PDCD2L: variants seen among roughly 807,000 people sequenced by gnomAD.
PDCD2L encodes programmed cell death 2 like.
A neutral mutation model predicts 40.4 loss-of-function variants in PDCD2L; 44 were observed. The observed-to-expected ratio is 1.09, with a 90% CI of 0.86 to 1.40. The LOEUF (loss-of-function observed/expected upper bound fraction) is 1.40. Ranked by LOEUF, PDCD2L falls within the 40% of genes most tolerant of loss-of-function variation. The pLI is 0.00. For missense variants in PDCD2L, 470 were observed against 453.7 expected (o/e 1.04, Z -0.33); for synonymous variants, 194 against 174.6 (o/e 1.11, Z -0.88).
At chr19:34,412,777 T>C (rs1307852607) in intron 4 of PDCD2L, among the ~76,000 whole-genome samples, 4 of 151,842 alleles carry the variant, frequency 2.6e-5, no homozygotes, top group East Asian at 1.9e-4. Context: ...AGTTTTTTTT[T>C]TTTTTTCTTT....
At chr19:34,415,267 C>G (rs766002708) in intron 5 of PDCD2L, among the ~76,000 whole-genome samples, 1 of 152,040 alleles carries the variant, frequency 6.6e-6, no homozygotes, top group African/African-American at 2.4e-5. Flanking sequence ...TACAGCGCCA[C>G]CACGCCTGAC....
intron 5 of PDCD2L, among the ~76,000 whole-genome samples, chr19:34,414,883 G>GT (rs1334355052): frequency 2.0e-5 from 3 of 151,942 alleles, no homozygotes; most frequent in Non-Finnish European, 2.9e-5. Flanking sequence ...ATTGCTCACT[G>GT]TAACAACTAC....
At chr19:34,411,159 CTTCTT>C (rs1195971896) in intron 4 of PDCD2L, among the ~76,000 whole-genome samples, 5 of 85,618 alleles carry the variant, frequency 5.8e-5, no homozygotes, top group African/African-American at 2.3e-4. Context: ...CTAGAGTATT[CTTCTT>C]TTTTTTTTTT....
intron 5 of PDCD2L, among the ~76,000 whole-genome samples, chr19:34,419,773 CTTTTTT>C (rs754032924): frequency 1.1e-4 from 4 of 36,638 alleles, no homozygotes; most frequent in African/African-American, 1.1e-4. Flanking sequence ...CTTTATGTTG[CTTTTTT>C]TTTTTTTTTT....
At chr19:34,421,742 AC>A (rs1201243097) in intron 6 of PDCD2L, 75 bp downstream of exon 6, 4 of 1,487,816 alleles carry the variant, frequency 2.7e-6, no homozygotes, top group African/African-American at 2.8e-5. Flanking sequence ...CCTTTTGTTT[AC>A]TTATAAAATA....
At position 34,421,657 on chromosome 19, in the gene PDCD2L, T is replaced by TGA; in HGVS notation, c.937_938insAG (p.Ala313GlufsTer4). ...CAGCACTGGTCAGCATGCTCAAGAG[T>TGA]GCTAATTTAGGTGAGAAGCCCTTTA... is the stretch of plus-strand genomic sequence containing the variant. On this transcript the variant is annotated frameshift_variant, in exon 6 of 7. Transcript: ENST00000246535. LOFTEE classifies it high-confidence loss of function. 6.2e-7 allele frequency: 1 copy of TGA among 1,609,396 alleles called. No individual in the cohort carries two copies. Among genetic ancestry groups the TGA allele is most frequent in the Non-Finnish European group, 8.5e-7 (1 of 1,177,572 alleles).
rs1396249503 is a variant in PDCD2L at position 34,407,747 on chromosome 19, TA to T, written c.337-1412del. Among the ~76,000 whole-genome samples the T allele has an allele frequency of 2.6e-5, 4 of 152,356 alleles. No homozygotes were observed. In the East Asian group the frequency reaches 7.7e-4, roughly 29 times the overall value. ...TGTACATATATGTGGTTGTATGTGATAATGTATACGTGTCTTTATAGTAAAT... is the reference window on the plus strand; with the variant it reads ...TGTACATATATGTGGTTGTATGTGATATGTATACGTGTCTTTATAGTAAAT... On this transcript the variant is annotated intron_variant, in intron 3 of 6. Transcript: ENST00000246535.
In PDCD2L at chr19:34,418,973, T is replaced by C. The variant is rs761389388; in HGVS notation, c.798-2546T>C. Among the ~76,000 whole-genome samples, 25 of 152,204 alleles carry C rather than the reference T, an allele frequency of 1.6e-4. 1 individual carries two copies. Among genetic ancestry groups the C allele is most frequent in the Non-Finnish European group, 3.5e-4 (24 of 68,040 alleles). Reference sequence around the variant, plus strand: ...CCATATTGTTTGTGTTACTGAGTTGTAGGAATTCTTCATATGGTCAAGAGT... The same window carrying C: ...CCATATTGTTTGTGTTACTGAGTTGCAGGAATTCTTCATATGGTCAAGAGT... On this transcript the variant is annotated intron_variant, in intron 5 of 6. Transcript: ENST00000246535.
intron 6 of PDCD2L, among the ~76,000 whole-genome samples, chr19:34,424,565 CTT>C (rs908344392): frequency 4.6e-5 from 7 of 152,056 alleles, no homozygotes; most frequent in Admixed American, 2.0e-4. Flanking sequence ...GGTTACTTCT[CTT>C]GTTTCTTCCC....
chr19:34,422,394 G>A (rs1007798789), intron 6 of PDCD2L: 4 of 151,860 alleles, frequency 2.6e-5, no homozygotes, highest in African/African-American at 9.7e-5. Flanking sequence ...AGACAAGGTT[G>A]CGTCATGTTG....
At chr19:34,413,898 AC>A (rs776013360) in intron 5 of PDCD2L, 51 bp downstream of exon 5, 2 of 1,170,022 alleles carry the variant, frequency 1.7e-6, no homozygotes, top group African/African-American at 3.1e-5. Context: ...ATAAAGGAAT[AC>A]ATATTAGTTT....
chr19:34,414,441 TTC>T (rs2075118030), intron 5 of PDCD2L, among the ~76,000 whole-genome samples: 1 of 147,964 alleles, frequency 6.8e-6, no homozygotes. Flanking sequence ...CCTCCCAAAG[TTC>T]TGAGATACAA....
rs1180134865 is a variant in PDCD2L, at chr19:34,404,692, G to C, written c.152G>C (p.Arg51Pro). Residue 51 changes from arginine (R) to proline (P), a missense_variant, in exon 2 of 7, where the codon CGC becomes CCC. Transcript: ENST00000246535. ...GCTGCGCCCAGGCCCGTGTGTCAGCGCTGCGGGCAGCCGCTCGCTCTGGTC... is the reference window on the plus strand; with the variant it reads ...GCTGCGCCCAGGCCCGTGTGTCAGCCCTGCGGGCAGCCGCTCGCTCTGGTC... The part of the protein sequence containing the change: ...TVAAPRPVCQ[R>P]CGQPLALVVQ... 2.5e-6 allele frequency: 4 copies of C among 1,611,894 alleles called. No individual in the cohort carries two copies. Among genetic ancestry groups the C allele is most frequent in the Non-Finnish European group, 3.4e-6 (4 of 1,179,814 alleles).
At chr19:34,419,772 G>GC (rs1491488068) in intron 5 of PDCD2L, among the ~76,000 whole-genome samples, 973 of 17,290 alleles carry the variant, frequency 0.056, 17 homozygotes, top group African/African-American at 0.11. Flanking sequence ...TCTTTATGTT[G>GC]CTTTTTTTTT....
intron 5 of PDCD2L, among the ~76,000 whole-genome samples, chr19:34,421,263 C>T (rs1295530260): frequency 6.6e-6 from 1 of 152,222 alleles, no homozygotes; most frequent in Non-Finnish European, 1.5e-5. Context: ...ATTTAATCTG[C>T]AGTGGAGCTG....
intron 6 of PDCD2L, among the ~76,000 whole-genome samples, chr19:34,422,942 TCTC>T (rs2145473787): frequency 6.6e-6 from 1 of 152,106 alleles, no homozygotes; most frequent in Non-Finnish European, 1.5e-5. Flanking sequence ...ATGGTGTTGA[TCTC>T]CTGACCTTGT....
chr19:34,420,368 T>C (rs1262505660), intron 5 of PDCD2L, among the ~76,000 whole-genome samples: 2 of 152,072 alleles, frequency 1.3e-5, no homozygotes, highest in Non-Finnish European at 2.9e-5. Context: ...TTTTGTCTGA[T>C]AAATTTATCA....
intron 3 of PDCD2L, 97 bp downstream of exon 3, chr19:34,405,087 G>A: frequency 8.4e-7 from 1 of 1,197,350 alleles, no homozygotes; most frequent in Non-Finnish European, 1.2e-6. Flanking sequence ...GTTCTTTGAA[G>A]TACACTGGAG....
intron 5 of PDCD2L, among the ~76,000 whole-genome samples, chr19:34,414,636 G>C (rs149744360): frequency 0.024 from 3,552 of 150,628 alleles, 56 homozygotes; most frequent in Non-Finnish European, 0.034. Context: ...CTACAGGCAT[G>C]TACCACCATG....
Sources: gnomAD v4.1 joint callset for allele counts (sites outside exome capture counted in the v4.1 genomes callset) on GRCh38, gnomAD v4.1.1 for gene constraint, MANE v1.5 for transcripts, NCBI Gene and HGNC (gene_info 2026-07-23, HGNC 2026-07-21) for gene names.